PLPPR1: variants seen among roughly 807,000 people sequenced by gnomAD.
PLPPR1 encodes phospholipid phosphatase related 1.
Under a neutral mutation model 33.1 loss-of-function variants are expected in PLPPR1, and 10 were observed. That is an observed-to-expected ratio of 0.30 (90% CI 0.19 to 0.51). The LOEUF is 0.51. Ranked by LOEUF, PLPPR1 falls within the 20% of genes least tolerant of loss-of-function variation. The pLI, the probability that PLPPR1 is intolerant of heterozygous loss-of-function variation, is 0.97. For synonymous variants in PLPPR1, 151 were observed against 151.0 expected, an observed-to-expected ratio of 1.00 and a Z score of 0.00; for missense variants, 304 against 408.1, an observed-to-expected ratio of 0.74 and a Z score of 2.20.
At chr9:101,129,787 C>T (rs547596738) in intron 1 of PLPPR1, among the ~76,000 whole-genome samples, 11 of 152,086 alleles carry the variant, frequency 7.2e-5, no homozygotes, top group East Asian at 5.8e-4. Flanking sequence ...GGCGAGATCA[C>T]GCCACTGCAC....
At chr9:101,109,117 C>T (rs943584355) in intron 1 of PLPPR1, among the ~76,000 whole-genome samples, 4 of 148,526 alleles carry the variant, frequency 2.7e-5, no homozygotes, top group African/African-American at 9.9e-5. Flanking sequence ...CGCCACCACG[C>T]CTGGCTAATT....
intron 1 of PLPPR1, among the ~76,000 whole-genome samples, chr9:101,041,015 G>A (rs748517412): frequency 6.6e-6 from 1 of 152,174 alleles, no homozygotes; most frequent in Non-Finnish European, 1.5e-5. Context: ...AAAATGTGAC[G>A]TTAGCTCCAG....
At position 101,128,887 on chromosome 9, in the gene PLPPR1, C is replaced by T. The variant is rs1209332710; in HGVS notation, c.-45-56563C>T. 2.0e-5 allele frequency among the ~76,000 whole-genome samples: 3 copies of T among 152,252 alleles called. No individual in the cohort carries two copies. In the South Asian group the frequency reaches 6.2e-4, roughly 32 times the overall value. On this transcript the variant is annotated intron_variant, in intron 1 of 7. Transcript: ENST00000374874. ...CATCTTTTTCCTCTCTCTAATAATA[C>T]AAATCCTGTTGTTCTCTCAAAGTTG... is the stretch of plus-strand genomic sequence containing the variant.
chr9:101,238,580 T>G (rs1408011383), intron 2 of PLPPR1, among the ~76,000 whole-genome samples: 3 of 151,454 alleles, frequency 2.0e-5, no homozygotes, highest in African/African-American at 7.3e-5. Flanking sequence ...AGCTAATCAA[T>G]GGGTACACAT....
At chr9:101,053,260 T>G (rs1011787139) in intron 1 of PLPPR1, among the ~76,000 whole-genome samples, 5 of 152,322 alleles carry the variant, frequency 3.3e-5, no homozygotes, top group African/African-American at 1.2e-4. Context: ...TGGAGGCTTC[T>G]TCCCGCTCAC....
chr9:101,087,948 C>A (rs1830698302), intron 1 of PLPPR1, among the ~76,000 whole-genome samples: 1 of 152,184 alleles, frequency 6.6e-6, no homozygotes, highest in South Asian at 2.1e-4. Flanking sequence ...GTATCTCTGT[C>A]TCTCTGATAA....
intron 4 of PLPPR1, among the ~76,000 whole-genome samples, chr9:101,288,480 A>G (rs1484680991): frequency 1.3e-5 from 2 of 152,204 alleles, no homozygotes; most frequent in Non-Finnish European, 2.9e-5. Flanking sequence ...GAGCAGAGAG[A>G]TAGCCAAAAG....
intron 3 of PLPPR1, among the ~76,000 whole-genome samples, chr9:101,276,004 C>A (rs551075434): frequency 2.4e-4 from 36 of 152,142 alleles, no homozygotes; most frequent in Non-Finnish European, 5.0e-4. Flanking sequence ...ATGTAAAAAC[C>A]CAGAGCACAG....
intron 1 of PLPPR1, among the ~76,000 whole-genome samples, chr9:101,123,386 G>A (rs1333596609): frequency 1.3e-5 from 2 of 152,178 alleles, no homozygotes; most frequent in Non-Finnish European, 2.9e-5. Context: ...AATGTGTCCA[G>A]TGATAGATGG....
At chr9:101,064,279 G>A (rs998248458) in intron 1 of PLPPR1, among the ~76,000 whole-genome samples, 3 of 152,032 alleles carry the variant, frequency 2.0e-5, no homozygotes, top group African/African-American at 2.4e-5. Flanking sequence ...CATGGATTTT[G>A]TGGGGCAAGA....
At chr9:101,204,849 G>A (rs573407899) in intron 2 of PLPPR1, among the ~76,000 whole-genome samples, 62 of 152,202 alleles carry the variant, frequency 4.1e-4, no homozygotes, top group African/African-American at 1.4e-3. Context: ...ATTAAAGTGA[G>A]TAAGACTCAA....
intron 5 of PLPPR1, 49 bp from the exon 6 acceptor site, chr9:101,312,749 T>A: frequency 6.4e-7 from 1 of 1,550,848 alleles, no homozygotes; most frequent in African/African-American, 1.4e-5. Flanking sequence ...TGTGTACTCA[T>A]AGCACAAGGC....
At chr9:101,091,634 T>C (rs1163532300) in intron 1 of PLPPR1, among the ~76,000 whole-genome samples, 1 of 152,168 alleles carries the variant, frequency 6.6e-6, no homozygotes, top group African/African-American at 2.4e-5. Context: ...ATATTTAAGG[T>C]CATCTGGTTA....
chr9:101,155,423 C>G, intron 1 of PLPPR1, among the ~76,000 whole-genome samples: 1 of 152,252 alleles, frequency 6.6e-6, no homozygotes, highest in South Asian at 2.1e-4. Flanking sequence ...GAAGGGCAAG[C>G]AAGCATATAT....
chr9:101,134,476 G>A (rs1001930757), intron 1 of PLPPR1, among the ~76,000 whole-genome samples: 1 of 151,440 alleles, frequency 6.6e-6, no homozygotes, highest in Non-Finnish European at 1.5e-5. Context: ...TCTGCCTCCT[G>A]GGCTCAAGTG....
At chr9:101,265,208 T>C (rs951474335) in intron 2 of PLPPR1, among the ~76,000 whole-genome samples, 5 of 152,240 alleles carry the variant, frequency 3.3e-5, no homozygotes, top group African/African-American at 1.2e-4. Flanking sequence ...ATTTCAGATA[T>C]TGCTGGATTC....
At chr9:101,275,952 A>G (rs79389804) in intron 3 of PLPPR1, among the ~76,000 whole-genome samples, 11,599 of 152,200 alleles carry the variant, frequency 0.076, 526 homozygotes, top group Middle Eastern at 0.16. Flanking sequence ...AAAATTGTGA[A>G]TCTTCATTTG....
intron 2 of PLPPR1, among the ~76,000 whole-genome samples, chr9:101,246,300 C>T (rs2118858177): frequency 6.6e-6 from 1 of 151,802 alleles, no homozygotes; most frequent in South Asian, 2.1e-4. Flanking sequence ...AACAAAACTC[C>T]TTAGAAAAAC....
intron 3 of PLPPR1, among the ~76,000 whole-genome samples, chr9:101,278,641 G>A (rs1055917664): frequency 2.0e-5 from 3 of 152,246 alleles, no homozygotes; most frequent in South Asian, 2.1e-4. Flanking sequence ...CCACCACAGC[G>A]AAATCCAGCA....
Sources: gnomAD v4.1 joint callset for allele counts (sites outside exome capture counted in the v4.1 genomes callset) on GRCh38, gnomAD v4.1.1 for gene constraint, MANE v1.5 for transcripts, NCBI Gene and HGNC (gene_info 2026-07-23, HGNC 2026-07-21) for gene names.